Variants in AHI1 observed in about 807,000 individuals in gnomAD.
AHI1 encodes the protein Abelson helper integration site 1.
In AHI1, 123 loss-of-function variants were observed where a neutral mutation model predicts 149.3. The ratio of observed to expected loss-of-function variants is 0.82; its 90% CI spans 0.71 to 0.96. The LOEUF is 0.96. Among genes scored for constraint, AHI1 ranks in the 40% least tolerant of loss-of-function variants. The pLI, the probability that AHI1 is intolerant of heterozygous loss-of-function variation, is 0.00. For missense variants in AHI1, 1,439 were observed against 1,422.7 expected, an observed-to-expected ratio of 1.01 and a Z score of -0.18; for synonymous variants, 475 against 459.8, an observed-to-expected ratio of 1.03 and a Z score of -0.42.
At chr6:135,357,146 C>T (rs1793107482) in intron 24 of AHI1, among the ~76,000 whole-genome samples, 1 of 152,158 alleles carries the variant, frequency 6.6e-6, no homozygotes, top group Non-Finnish European at 1.5e-5. Flanking sequence ...ACCATGTTGG[C>T]CAGGATGGTC....
intron 22 of AHI1, among the ~76,000 whole-genome samples, chr6:135,395,837 T>C (rs1327541891): frequency 1.4e-5 from 2 of 145,070 alleles, no homozygotes; most frequent in African/African-American, 4.8e-5. Flanking sequence ...TAAATATTAC[T>C]ATATTAAAAC....
chr6:135,380,030 TCCTC>T (rs553776139), intron 23 of AHI1, among the ~76,000 whole-genome samples: 20 of 132,988 alleles, frequency 1.5e-4, no homozygotes, highest in East Asian at 2.5e-4. Flanking sequence ...CTTCCTTCCT[TCCTC>T]CCTCCCTCCC....
At chr6:135,347,361 G>A (rs995993842) in intron 24 of AHI1, among the ~76,000 whole-genome samples, 1 of 152,088 alleles carries the variant, frequency 6.6e-6, no homozygotes, top group Admixed American at 6.5e-5. Flanking sequence ...TACCTAAACT[G>A]CTCTCAATTT....
chr6:135,467,767 T>C (rs1583386054), intron 5 of AHI1, 133 bp from the exon 6 acceptor site: 1 of 575,310 alleles, frequency 1.7e-6, no homozygotes, highest in East Asian at 2.9e-5. Context: ...ATAGTGATAC[T>C]ATCTTAGAGC....
intron 23 of AHI1, among the ~76,000 whole-genome samples, chr6:135,382,954 T>TATAC (rs770394314): frequency 3.4e-4 from 34 of 100,034 alleles, no homozygotes; most frequent in African/African-American, 1.3e-3. Flanking sequence ...TATATATATA[T>TATAC]ACATATAAAA....
chr6:135,457,299 C>T (rs1380605648), intron 9 of AHI1, among the ~76,000 whole-genome samples, 195 bp downstream of exon 9: 2 of 152,156 alleles, frequency 1.3e-5, no homozygotes, highest in African/African-American at 4.8e-5. Flanking sequence ...AAAGTAATTA[C>T]TGAATTAGAT....
intron 24 of AHI1, among the ~76,000 whole-genome samples, chr6:135,351,417 T>A (rs1792096661): frequency 6.6e-6 from 1 of 152,140 alleles, no homozygotes; most frequent in Non-Finnish European, 1.5e-5. Context: ...CCTCATAACA[T>A]TCCATGAAGT....
At chr6:135,459,717 G>A (rs376839440) in intron 8 of AHI1, among the ~76,000 whole-genome samples, 5 of 129,010 alleles carry the variant, frequency 3.9e-5, no homozygotes, top group African/African-American at 1.4e-4. Context: ...AAAAACTACA[G>A]TATATCAAAT....
intron 18 of AHI1, among the ~76,000 whole-genome samples, chr6:135,429,462 T>A (rs1784351834): frequency 6.6e-6 from 1 of 151,744 alleles, no homozygotes; most frequent in Non-Finnish European, 1.5e-5. Flanking sequence ...AACAAGGACA[T>A]ATAAATCAAA....
intron 24 of AHI1, among the ~76,000 whole-genome samples, chr6:135,346,856 C>A (rs1791306666): frequency 6.6e-6 from 1 of 152,160 alleles, no homozygotes; most frequent in Non-Finnish European, 1.5e-5. Context: ...GGTGACTCTG[C>A]CAGTGCACTT....
At chr6:135,317,072 C>T (rs529935737) in intron 26 of AHI1, among the ~76,000 whole-genome samples, 25 of 152,196 alleles carry the variant, frequency 1.6e-4, no homozygotes, top group African/African-American at 6.0e-4. Flanking sequence ...CTGTCAATTA[C>T]AGCTTATGTC....
intron 20 of AHI1, among the ~76,000 whole-genome samples, chr6:135,415,788 A>G (rs1007769165): frequency 5.3e-5 from 8 of 152,200 alleles, no homozygotes; most frequent in East Asian, 1.9e-4. Context: ...GGATAAACAA[A>G]CTGTGGCATA....
chr6:135,392,016 A>C (rs1237645415), intron 23 of AHI1, among the ~76,000 whole-genome samples: 3 of 152,140 alleles, frequency 2.0e-5, no homozygotes, highest in Non-Finnish European at 4.4e-5. Context: ...TGGGGCAAAA[A>C]ACCCAAGAGT....
At position 135,457,702 on chromosome 6, in the gene AHI1, T is replaced by C; in HGVS notation, c.943A>G (p.Asn315Asp). ...KKKTKAVADNNEDVDGDGVHE... is the reference protein window; with the variant it reads ...KKKTKAVADNDEDVDGDGVHE... Reference sequence around the variant, plus strand: ...ACACCATCACCATCAACATCTTCATTATTATCTGCAACTACACGCATGGAA... The same window carrying C: ...ACACCATCACCATCAACATCTTCATCATTATCTGCAACTACACGCATGGAA... The change falls in exon 9 of 29, where the codon AAT becomes GAT. Residue 315 changes from asparagine (N) to aspartate (D), a missense_variant. By Grantham distance (23) the Asn-to-Asp change is conservative. Coordinates refer to ENST00000265602, the MANE Select transcript of AHI1 (RefSeq NM_001134831.2). 2 of 1,613,852 alleles carry C rather than the reference T, an allele frequency of 1.2e-6. No individual in the cohort carries two copies. Among genetic ancestry groups the C allele is most frequent in the Non-Finnish European group, 1.7e-6 (2 of 1,179,780 alleles).
At chr6:135,362,613 G>A (rs1794079275) in intron 23 of AHI1, among the ~76,000 whole-genome samples, 1 of 152,184 alleles carries the variant, frequency 6.6e-6, no homozygotes, top group Admixed American at 6.5e-5. Flanking sequence ...CTGATCATTA[G>A]TGATGCTGAG....
intron 14 of AHI1, among the ~76,000 whole-genome samples, chr6:135,441,414 A>C (rs1284414953): frequency 6.6e-6 from 1 of 152,196 alleles, no homozygotes; most frequent in East Asian, 1.9e-4. Context: ...AGAACATTTC[A>C]AGAAATAATG....
At position 135,463,292 on chromosome 6, in the gene AHI1, G is replaced by T; in HGVS notation, c.764C>A (p.Ser255Tyr). 1 of 1,606,952 alleles carries T rather than the reference G, an allele frequency of 6.2e-7. No individual in the cohort carries two copies. ...TTGTTCACCTTCAACTGTGTCACCA[G>T]AGATGGTCAATGTACTACAAATATA... The part of the protein sequence containing the change: ...SKAETSTLTI[S>Y]GDTVEGEQKK... Residue 255 changes from serine (S) to tyrosine (Y), a missense_variant, in exon 8 of 29, where the codon TCT (serine) becomes TAT (tyrosine). Coordinates refer to ENST00000265602, the MANE Select transcript of AHI1 (RefSeq NM_001134831.2).
chr6:135,471,462 G>T (rs555680895), intron 5 of AHI1, among the ~76,000 whole-genome samples: 1 of 152,048 alleles, frequency 6.6e-6, no homozygotes, highest in Admixed American at 6.5e-5. Context: ...CAGCTTTATG[G>T]GATAAATTCC....
intron 26 of AHI1, among the ~76,000 whole-genome samples, chr6:135,316,442 A>G (rs1415412194): frequency 1.3e-5 from 2 of 151,988 alleles, no homozygotes; most frequent in African/African-American, 2.4e-5. Context: ...TTGCCACTCT[A>G]TTGATACCGG....
Sources: gnomAD v4.1 joint callset for allele counts (sites outside exome capture counted in the v4.1 genomes callset) on GRCh38, gnomAD v4.1.1 for gene constraint, MANE v1.5 for transcripts, NCBI Gene and HGNC (gene_info 2026-07-23, HGNC 2026-07-21) for gene names.